GALNT17: variants seen among roughly 807,000 people sequenced by gnomAD.
GALNT17 encodes UDP-GalNAc:polypeptide N-acetylgalactosaminyltransferase-like 3.
In GALNT17, 29 loss-of-function variants were observed where a neutral mutation model predicts 63.7. The observed-to-expected ratio is 0.46, with a 90% CI of 0.34 to 0.62. The LOEUF (loss-of-function observed/expected upper bound fraction) is 0.62. Ranked by LOEUF, GALNT17 falls within the 20% of genes least tolerant of loss-of-function variation. The probability of loss-of-function intolerance (pLI) is 0.01; values close to 1 mark genes in which losing one functional copy is unlikely to be tolerated. For missense variants in GALNT17, 603 were observed against 799.6 expected (o/e 0.75, Z 2.97); for synonymous variants, 305 against 318.3 (o/e 0.96, Z 0.45).
intron 1 of GALNT17, among the ~76,000 whole-genome samples, chr7:71,326,335 G>A (rs1173833978): frequency 2.0e-5 from 3 of 152,134 alleles, no homozygotes; most frequent in Non-Finnish European, 2.9e-5. Context: ...GTGCATGACT[G>A]TATTCCTAGC....
intron 1 of GALNT17, among the ~76,000 whole-genome samples, chr7:71,237,980 G>C (rs1297845799): frequency 6.6e-6 from 1 of 152,182 alleles, no homozygotes; most frequent in African/African-American, 2.4e-5. Context: ...TCTGACCAAT[G>C]GAGTGAAAAA....
At chr7:71,692,079 T>C (rs981647348) in intron 9 of GALNT17, among the ~76,000 whole-genome samples, 1 of 152,004 alleles carries the variant, frequency 6.6e-6, no homozygotes, top group Non-Finnish European at 1.5e-5. Flanking sequence ...CTTGGCTAAT[T>C]TTTAAGTTTT....
intron 1 of GALNT17, among the ~76,000 whole-genome samples, chr7:71,275,195 T>C (rs1454704837): frequency 1.3e-5 from 2 of 152,148 alleles, no homozygotes; most frequent in East Asian, 1.9e-4. Context: ...CCTTCCCTTA[T>C]AACAAAGATT....
chr7:71,277,294 A>G (rs889088188), intron 1 of GALNT17, among the ~76,000 whole-genome samples: 6 of 152,056 alleles, frequency 3.9e-5, no homozygotes, highest in African/African-American at 1.4e-4. Context: ...CAATGGGTAC[A>G]CTCGCATAGA....
At chr7:71,533,953 C>T (rs1269038137) in intron 5 of GALNT17, among the ~76,000 whole-genome samples, 1 of 152,046 alleles carries the variant, frequency 6.6e-6, no homozygotes, top group African/African-American at 2.4e-5. Flanking sequence ...TCATGTGTGG[C>T]AAAACAGGAA....
At chr7:71,201,022 T>A (rs1037945917) in intron 1 of GALNT17, among the ~76,000 whole-genome samples, 8 of 151,950 alleles carry the variant, frequency 5.3e-5, no homozygotes, top group African/African-American at 1.9e-4. Context: ...AATTCAGTTA[T>A]CTCTCTGCCA....
At chr7:71,133,563 C>T (rs1338161902) in intron 1 of GALNT17, among the ~76,000 whole-genome samples, 1 of 152,122 alleles carries the variant, frequency 6.6e-6, no homozygotes, top group African/African-American at 2.4e-5. Context: ...ATGAGGCGAG[C>T]TGCTCAGCTA....
intron 1 of GALNT17, among the ~76,000 whole-genome samples, chr7:71,171,407 G>A (rs901551582): frequency 3.9e-5 from 6 of 152,120 alleles, no homozygotes; most frequent in East Asian, 1.9e-4. Flanking sequence ...ACGATGAGGC[G>A]GGAAGATGGC....
intron 5 of GALNT17, among the ~76,000 whole-genome samples, chr7:71,455,027 G>A (rs1048002520): frequency 5.3e-5 from 8 of 152,034 alleles, no homozygotes; most frequent in Non-Finnish European, 1.5e-5. Context: ...AATTAGCCAG[G>A]TGTGGTGGTA....
At position 71,132,727 on chromosome 7, in the gene GALNT17, C is replaced by G. The variant is rs571277019; in HGVS notation, c.-76C>G. 7 of 1,276,692 alleles carry G rather than the reference C, an allele frequency of 5.5e-6. No homozygotes were observed. Among genetic ancestry groups the G allele is most frequent in the Non-Finnish European group, 7.5e-6 (7 of 929,556 alleles). The allele number at this position is 1,276,692 out of a possible 1,614,324, so 79.1% of individuals were successfully genotyped here. ...GGCCGTCTGGTGTGTGAGGCTTGCA[C>G]GGCCCCTGGCTGCCCCGCGCCTCGC... On this transcript the variant is annotated 5_prime_UTR_variant, in exon 1 of 11. Coordinates refer to ENST00000333538, the MANE Select transcript of GALNT17 (RefSeq NM_022479.3).
At chr7:71,621,161 A>C (rs1364169729) in intron 6 of GALNT17, among the ~76,000 whole-genome samples, 2 of 152,152 alleles carry the variant, frequency 1.3e-5, no homozygotes, top group African/African-American at 4.8e-5. Context: ...CCACTCAGCT[A>C]TTAATCCAGC....
chr7:71,516,714 GCT>G (rs1788450943), intron 5 of GALNT17, among the ~76,000 whole-genome samples: 2 of 152,118 alleles, frequency 1.3e-5, no homozygotes, highest in Admixed American at 1.3e-4. Flanking sequence ...TTCCAGAGCA[GCT>G]CTGCCTACCA....
intron 6 of GALNT17, among the ~76,000 whole-genome samples, chr7:71,662,898 G>A (rs1264542154): frequency 6.6e-6 from 1 of 152,162 alleles, no homozygotes; most frequent in African/African-American, 2.4e-5. Context: ...TATATGGTGT[G>A]AGGTAGGAGC....
At chr7:71,592,623 G>T (rs986006429) in intron 6 of GALNT17, among the ~76,000 whole-genome samples, 5 of 109,256 alleles carry the variant, frequency 4.6e-5, no homozygotes, top group African/African-American at 1.4e-4. Flanking sequence ...CATGCAGAGT[G>T]AGGCAACCCA....
intron 5 of GALNT17, among the ~76,000 whole-genome samples, chr7:71,512,474 C>A (rs1052493460): frequency 6.6e-6 from 1 of 152,180 alleles, no homozygotes; most frequent in African/African-American, 2.4e-5. Flanking sequence ...TAAAAGACCT[C>A]CAAGTCGTCC....
intron 1 of GALNT17, among the ~76,000 whole-genome samples, chr7:71,165,694 G>A (rs990608692): frequency 1.2e-4 from 19 of 152,260 alleles, no homozygotes; most frequent in African/African-American, 4.6e-4. Context: ...ACATGTTTTC[G>A]TTTTGACCCT....
chr7:71,484,258 C>T (rs934466422), intron 5 of GALNT17, among the ~76,000 whole-genome samples: 3 of 152,066 alleles, frequency 2.0e-5, no homozygotes, highest in South Asian at 2.1e-4. Context: ...GAGACTGAGG[C>T]GGGCGGATCA....
intron 2 of GALNT17, among the ~76,000 whole-genome samples, chr7:71,357,932 G>T (rs1378860162): frequency 1.3e-5 from 2 of 152,098 alleles, no homozygotes; most frequent in Non-Finnish European, 2.9e-5. Context: ...CCAATCGCAG[G>T]GAGGATTGAA....
At chr7:71,586,673 A>C (rs896057006) in intron 6 of GALNT17, among the ~76,000 whole-genome samples, 4 of 140,992 alleles carry the variant, frequency 2.8e-5, no homozygotes, top group African/African-American at 2.7e-5. Flanking sequence ...TACCAAACCT[A>C]GTAGGGTTTT....
Sources: allele counts gnomAD v4.1 joint callset (sites outside exome capture counted in the v4.1 genomes callset), GRCh38; gene constraint gnomAD v4.1.1; transcripts MANE v1.5; gene names NCBI Gene and HGNC (gene_info 2026-07-23, HGNC 2026-07-21).